The following LRP1B variants were observed in gnomAD, a reference collection of about 807,000 sequenced individuals.
LRP1B encodes low-density lipoprotein receptor-related protein 1B.
A neutral mutation model predicts 556.6 loss-of-function variants in LRP1B; 217 were observed. The ratio of observed to expected loss-of-function variants is 0.39; its 90% CI spans 0.35 to 0.44. The LOEUF (loss-of-function observed/expected upper bound fraction) is 0.44, where lower values mean the gene tolerates loss of function less well. Among genes scored for constraint, LRP1B ranks in the 20% least tolerant of loss-of-function variants. The probability of loss-of-function intolerance (pLI) is 1.00; values close to 1 mark genes in which losing one functional copy is unlikely to be tolerated. For missense variants in LRP1B, 5,053 were observed against 5,620.8 expected (o/e 0.90, Z 3.23); for synonymous variants, 2,047 against 1,865.8 (o/e 1.10, Z -2.50).
chr2:140,679,992 T>C (rs1685806257), intron 41 of LRP1B, among the ~76,000 whole-genome samples: 3 of 152,064 alleles, frequency 2.0e-5, no homozygotes, highest in African/African-American at 4.8e-5. Context: ...TCAGCTATCG[T>C]TAGTGTTAGT....
chr2:141,123,268 A>AAAAAAAAG (rs1558876282), intron 7 of LRP1B, among the ~76,000 whole-genome samples: 3 of 147,142 alleles, frequency 2.0e-5, no homozygotes, highest in Non-Finnish European at 3.0e-5. Context: ...ATAAATAAAA[A>AAAAAAAAG]AAAGAAAGTA....
At chr2:140,750,502 G>C (rs1688538900) in intron 35 of LRP1B, among the ~76,000 whole-genome samples, 1 of 152,146 alleles carries the variant, frequency 6.6e-6, no homozygotes, top group Non-Finnish European at 1.5e-5. Flanking sequence ...ATCTATATCT[G>C]TATTGCTTTG....
intron 2 of LRP1B, among the ~76,000 whole-genome samples, chr2:141,765,109 A>C (rs569134972): frequency 7.9e-6 from 1 of 126,072 alleles, no homozygotes; most frequent in South Asian, 2.5e-4. Flanking sequence ...AAACAAACAA[A>C]CAAACAGGGA....
intron 43 of LRP1B, among the ~76,000 whole-genome samples, chr2:140,597,705 T>C (rs1682499343): frequency 6.6e-6 from 1 of 152,212 alleles, no homozygotes; most frequent in Admixed American, 6.5e-5. Context: ...ATTTGTTGCC[T>C]GTTTCTGTAA....
chr2:140,333,369 A>G (rs1467484402), intron 79 of LRP1B, among the ~76,000 whole-genome samples: 1 of 152,092 alleles, frequency 6.6e-6, no homozygotes, highest in Non-Finnish European at 1.5e-5. Context: ...ATAGGAAGAT[A>G]GATTTCATGA....
chr2:141,568,313 C>T (rs12469217), intron 2 of LRP1B, among the ~76,000 whole-genome samples: 41,203 of 150,380 alleles, frequency 0.27, 7,099 homozygotes, highest in East Asian at 0.48. Context: ...AATCACTATG[C>T]ATATGACTAT....
At chr2:141,624,735 T>A (rs1432909307) in intron 2 of LRP1B, among the ~76,000 whole-genome samples, 1 of 152,148 alleles carries the variant, frequency 6.6e-6, no homozygotes, top group Non-Finnish European at 1.5e-5. Flanking sequence ...ATGTAACTCA[T>A]GAAAGGGTTG....
intron 18 of LRP1B, among the ~76,000 whole-genome samples, chr2:140,965,362 T>C (rs1000797898): frequency 2.6e-5 from 4 of 152,132 alleles, no homozygotes; most frequent in Non-Finnish European, 5.9e-5. Flanking sequence ...AAATACCTTT[T>C]TTTTTTTCTA....
intron 3 of LRP1B, among the ~76,000 whole-genome samples, chr2:141,474,150 T>C (rs1682612049): frequency 6.6e-6 from 1 of 150,400 alleles, no homozygotes; most frequent in East Asian, 1.9e-4. Context: ...TTTTCCTTTT[T>C]CCATAGTAGT....
intron 7 of LRP1B, among the ~76,000 whole-genome samples, chr2:141,075,424 G>T (rs893338225): frequency 2.6e-5 from 4 of 152,018 alleles, no homozygotes; most frequent in African/African-American, 7.3e-5. Context: ...AGATCTCAAG[G>T]TGTCATTCCA....
At chr2:140,507,065 G>A in intron 52 of LRP1B, 147 bp from the exon 53 acceptor site, 1 of 659,764 alleles carries the variant, frequency 1.5e-6, no homozygotes, top group Middle Eastern at 4.1e-4. Flanking sequence ...CAATACATCA[G>A]ATAAGCTAAT....
At chr2:141,312,912 C>T (rs550782693) in intron 3 of LRP1B, among the ~76,000 whole-genome samples, 3 of 151,964 alleles carry the variant, frequency 2.0e-5, no homozygotes, top group Non-Finnish European at 4.4e-5. Flanking sequence ...AACTCCTGAC[C>T]TCAGTTGATC....
intron 2 of LRP1B, among the ~76,000 whole-genome samples, chr2:141,751,597 C>A (rs995105783): frequency 1.3e-5 from 2 of 151,972 alleles, no homozygotes; most frequent in African/African-American, 2.4e-5. Context: ...TTAAATCTAA[C>A]TATATCACAA....
intron 1 of LRP1B, among the ~76,000 whole-genome samples, chr2:141,906,652 C>G (rs1315791348): frequency 6.6e-6 from 1 of 152,002 alleles, no homozygotes; most frequent in East Asian, 1.9e-4. Flanking sequence ...ATTAACATCA[C>G]ATAAACAGCA....
chr2:140,269,114 A>G (rs532083107), intron 86 of LRP1B, among the ~76,000 whole-genome samples: 2 of 152,062 alleles, frequency 1.3e-5, no homozygotes, highest in South Asian at 2.1e-4. Context: ...CTTGTTGGTG[A>G]GTGAAGCAAA....
intron 1 of LRP1B, among the ~76,000 whole-genome samples, chr2:141,975,622 T>A (rs1424860090): frequency 6.6e-6 from 1 of 152,120 alleles, no homozygotes; most frequent in East Asian, 1.9e-4. Flanking sequence ...TTTTCAAAGC[T>A]GTGGAGTAGG....
chr2:140,645,030 T>G (rs907026880), intron 41 of LRP1B, among the ~76,000 whole-genome samples: 2 of 152,156 alleles, frequency 1.3e-5, no homozygotes, highest in Non-Finnish European at 1.5e-5. Flanking sequence ...CTTTTTCTAA[T>G]TATATAGATT....
intron 11 of LRP1B, among the ~76,000 whole-genome samples, chr2:141,022,489 T>C (rs58237958): frequency 0.05 from 7,613 of 152,116 alleles, 235 homozygotes; most frequent in Middle Eastern, 0.071. Context: ...AGGGAAGCAT[T>C]CTGCTTCCAC....
intron 1 of LRP1B, among the ~76,000 whole-genome samples, chr2:142,086,642 A>C (rs1370105643): frequency 4.4e-4 from 5 of 11,386 alleles, no homozygotes; most frequent in African/African-American, 1.2e-3. Context: ...CAAACAAACA[A>C]AAAAAAAACA....
Sources: allele counts gnomAD v4.1 joint callset (sites outside exome capture counted in the v4.1 genomes callset), GRCh38; gene constraint gnomAD v4.1.1; transcripts MANE v1.5; gene names NCBI Gene and HGNC (gene_info 2026-07-23, HGNC 2026-07-21).